C3orf20: variants seen among roughly 807,000 people sequenced by gnomAD.
The protein encoded by C3orf20 is uncharacterized protein C3orf20.
A neutral mutation model predicts 88.3 loss-of-function variants in C3orf20; 76 were observed. The observed-to-expected ratio is 0.86, with a 90% CI of 0.72 to 1.04. The LOEUF (loss-of-function observed/expected upper bound fraction) is 1.04, where lower values mean the gene tolerates loss of function less well. Among genes scored for constraint, C3orf20 ranks in the 50% least tolerant of loss-of-function variants. C3orf20 has a pLI of 0.00. For missense variants in C3orf20, 1,056 were observed against 1,123.3 expected, an observed-to-expected ratio of 0.94 and a Z score of 0.86; for synonymous variants, 436 against 437.4, an observed-to-expected ratio of 1.00 and a Z score of 0.04.
In C3orf20 at chr3:14,698,191, T is replaced by C. The variant is rs1412185750; in HGVS notation, c.746-4939T>C. 2.0e-5 allele frequency among the ~76,000 whole-genome samples: 3 copies of C among 150,776 alleles called. No homozygotes were observed. The Admixed American group carries it at 2.0e-4, about 10-fold the overall frequency. ...TTCTGAATTCTTTCTCTGTGTTATC[T>C]TGAATTTCTTTGAGTTTCCTCAAAA... On this transcript the variant is annotated intron_variant, in intron 5 of 16. Transcript: ENST00000253697.
intron 15 of C3orf20, among the ~76,000 whole-genome samples, chr3:14,769,754 G>T (rs2035810656): frequency 6.6e-6 from 1 of 152,152 alleles, no homozygotes. Context: ...GGGGCGCGGG[G>T]TAGGGGCACT....
chr3:14,764,175 C>A (rs2035636847), intron 15 of C3orf20, among the ~76,000 whole-genome samples: 1 of 151,784 alleles, frequency 6.6e-6, no homozygotes, highest in Admixed American at 6.6e-5. Flanking sequence ...ATACACTATA[C>A]ACACATATAC....
chr3:14,746,613 G>A (rs2035065678), intron 12 of C3orf20, among the ~76,000 whole-genome samples: 1 of 152,202 alleles, frequency 6.6e-6, no homozygotes, highest in Non-Finnish European at 1.5e-5. Flanking sequence ...CTCAGTGTCA[G>A]GATGGACCTG....
intron 12 of C3orf20, among the ~76,000 whole-genome samples, chr3:14,749,545 A>G (rs2035159680): frequency 6.6e-6 from 1 of 151,398 alleles, no homozygotes; most frequent in Non-Finnish European, 1.5e-5. Context: ...TTGGATTTGC[A>G]TTCCACTGAT....
intron 1 of C3orf20, among the ~76,000 whole-genome samples, chr3:14,678,459 CTG>C (rs201976787): frequency 1.6e-4 from 24 of 152,324 alleles, no homozygotes; most frequent in Admixed American, 4.6e-4. Context: ...CTGTAGCCTT[CTG>C]TGTGTGTGTC....
At chr3:14,738,821 T>TTTG (rs1553615425) in intron 12 of C3orf20, among the ~76,000 whole-genome samples, 27 of 146,394 alleles carry the variant, frequency 1.8e-4, no homozygotes, top group African/African-American at 6.0e-4. Flanking sequence ...TTTTGTTTTT[T>TTTG]TTTTTTTTTT....
chr3:14,679,567 C>T (rs1344783), intron 1 of C3orf20, among the ~76,000 whole-genome samples: 122,607 of 152,052 alleles, frequency 0.81, 50,752 homozygotes, highest in Non-Finnish European at 0.91. Flanking sequence ...TTCAGGGTAA[C>T]CTCGTGGCTC....
chr3:14,730,134 A>G (rs996189972), intron 12 of C3orf20, among the ~76,000 whole-genome samples: 2 of 152,196 alleles, frequency 1.3e-5, no homozygotes, highest in African/African-American at 4.8e-5. Context: ...ACCTGATTAA[A>G]ATAGATCTCT....
At chr3:14,756,072 T>A (rs1164106282) in intron 12 of C3orf20, among the ~76,000 whole-genome samples, 1 of 150,798 alleles carries the variant, frequency 6.6e-6, no homozygotes, top group African/African-American at 2.4e-5. Flanking sequence ...AAAAAAGAGT[T>A]TCTGTCCTGC....
intron 12 of C3orf20, among the ~76,000 whole-genome samples, chr3:14,739,694 A>G (rs1349361248): frequency 2.0e-5 from 3 of 152,222 alleles, no homozygotes; most frequent in Non-Finnish European, 4.4e-5. Context: ...ATGTACATTT[A>G]TAATCTGTTG....
At chr3:14,703,360 G>GAAGC (rs2033357983) in intron 6 of C3orf20, 98 bp downstream of exon 6, 2 of 1,558,318 alleles carry the variant, frequency 1.3e-6, no homozygotes, top group Non-Finnish European at 1.7e-6. Flanking sequence ...GACAGTCACA[G>GAAGC]AAGTGTGTGA....
At chr3:14,715,813 G>A (rs533222217) in intron 9 of C3orf20, among the ~76,000 whole-genome samples, 7 of 151,994 alleles carry the variant, frequency 4.6e-5, no homozygotes, top group Non-Finnish European at 8.8e-5. Flanking sequence ...CTCCGTTTTT[G>A]TTTTTATAAC....
At chr3:14,726,052 C>T (rs2034334954) in intron 10 of C3orf20, among the ~76,000 whole-genome samples, 1 of 152,188 alleles carries the variant, frequency 6.6e-6, no homozygotes, top group African/African-American at 2.4e-5. Flanking sequence ...CTGACATGCC[C>T]CAGCTGTTCA....
chr3:14,679,991 G>A (rs943949351), intron 1 of C3orf20, among the ~76,000 whole-genome samples: 5 of 152,218 alleles, frequency 3.3e-5, no homozygotes, highest in African/African-American at 9.6e-5. Flanking sequence ...TACCAGGATA[G>A]CACTAGAGTC....
At chr3:14,729,311 C>T (rs1442226340) in intron 12 of C3orf20, among the ~76,000 whole-genome samples, 7 of 152,110 alleles carry the variant, frequency 4.6e-5, no homozygotes, top group Admixed American at 1.3e-4. Flanking sequence ...GATAAACAGG[C>T]GGCCAGGAAC....
chr3:14,761,435 G>A lies in C3orf20; in HGVS notation c.2353-38G>A, dbSNP rs774955663. The A allele has an allele frequency of 1.9e-5, 30 of 1,613,442 alleles. 1 individual carries two copies. The South Asian group carries it at 3.1e-4, about 17-fold the overall frequency. On this transcript the variant is annotated intron_variant, in intron 14 of 16. Transcript: ENST00000253697. ...TATCAGTGGACACTGCTGTGCTGAT[G>A]TGCTGAGGATCTCTCCTCATTTCCT...
chr3:14,685,249 C>T (rs962840983), intron 4 of C3orf20, among the ~76,000 whole-genome samples: 4 of 151,938 alleles, frequency 2.6e-5, no homozygotes, highest in African/African-American at 9.7e-5. Context: ...TATTACTTTT[C>T]AAAGTTTAAA....
In C3orf20 at chr3:14,742,960, T is replaced by G. The variant is rs189636196; in HGVS notation, c.1940+14272T>G. ...CACAACACGTGGGAATTCTGAGAGATAAAATTCAAGTTGAGATTTCAGTGG... is the reference window on the plus strand; with the variant it reads ...CACAACACGTGGGAATTCTGAGAGAGAAAATTCAAGTTGAGATTTCAGTGG... On this transcript the variant is annotated intron_variant, in intron 12 of 16. Coordinates refer to ENST00000253697, the MANE Select transcript of C3orf20 (RefSeq NM_032137.5). Among the ~76,000 whole-genome samples, 551 of 151,664 alleles carry G rather than the reference T, an allele frequency of 3.6e-3. 3 individuals carry two copies. Among genetic ancestry groups the G allele is most frequent in the Admixed American group, 6.1e-3 (93 of 15,276 alleles).
chr3:14,716,608 C>T (rs1026240069), intron 9 of C3orf20, among the ~76,000 whole-genome samples: 2 of 152,276 alleles, frequency 1.3e-5, no homozygotes, highest in Middle Eastern at 3.4e-3. Context: ...CTGAAATGCA[C>T]CCCCTCCTCT....
Sources: allele counts gnomAD v4.1 joint callset (sites outside exome capture counted in the v4.1 genomes callset), GRCh38; gene constraint gnomAD v4.1.1; transcripts MANE v1.5; gene names NCBI Gene and HGNC (gene_info 2026-07-23, HGNC 2026-07-21).